KLKB1: variants seen among roughly 807,000 people sequenced by gnomAD.
KLKB1 encodes the protein plasma kallikrein.
In KLKB1, 58 loss-of-function variants were observed where a neutral mutation model predicts 73.6. That is an observed-to-expected ratio of 0.79 (90% confidence interval 0.64 to 0.98). KLKB1 has a LOEUF of 0.98. Ranked by LOEUF, KLKB1 falls within the 50% of genes least tolerant of loss-of-function variation. The pLI, the probability that KLKB1 is intolerant of heterozygous loss-of-function variation, is 0.00. For synonymous variants in KLKB1, 280 were observed against 258.1 expected (o/e 1.08, Z -0.81); for missense variants, 737 against 763.8 (o/e 0.96, Z 0.41).
chr4:186,241,379 G>A (rs766962904), intron 6 of KLKB1, among the ~76,000 whole-genome samples: 1 of 152,130 alleles, frequency 6.6e-6, no homozygotes, highest in Admixed American at 6.5e-5. Context: ...ACCAGAACTC[G>A]ACCCTTGGGT....
upstream of KLKB1, among the ~76,000 whole-genome samples, chr4:186,225,475 AGT>A (rs577914764): frequency 0.028 from 3,939 of 142,692 alleles, 82 homozygotes; most frequent in Non-Finnish European, 0.041. Flanking sequence ...TCCAGGCTGG[AGT>A]GCAGTGTGCA....
upstream of KLKB1, among the ~76,000 whole-genome samples, chr4:186,224,821 G>A (rs1737115952): frequency 6.6e-6 from 1 of 152,144 alleles, no homozygotes; most frequent in African/African-American, 2.4e-5. Flanking sequence ...GAAAGGCCAG[G>A]GGAAGAATGA....
chr4:186,237,138 G>A (rs1385687971), intron 5 of KLKB1, among the ~76,000 whole-genome samples, 198 bp downstream of exon 5: 1 of 151,630 alleles, frequency 6.6e-6, no homozygotes, highest in Admixed American at 6.6e-5. Context: ...GCGCTCTGTC[G>A]CCCAGGCTAG....
chr4:186,235,977 G>A (rs1365982973), intron 4 of KLKB1, among the ~76,000 whole-genome samples: 4 of 152,034 alleles, frequency 2.6e-5, no homozygotes, highest in Non-Finnish European at 2.9e-5. Context: ...AGCCGGGCGT[G>A]GTGGCGCGCG....
rs1328777026 is a variant in KLKB1, at chr4:186,258,420, G to A, written c.*208G>A. 3.2e-5 allele frequency: 20 copies of A among 624,132 alleles called. No individual in the cohort carries two copies. Among genetic ancestry groups the A allele is most frequent in the Middle Eastern group, 4.2e-4 (1 of 2,356 alleles). The allele number at this position is 624,132 out of a possible 1,614,324, so 38.7% of individuals were successfully genotyped here. On this transcript the variant is annotated 3_prime_UTR_variant, in exon 15 of 15. Transcript: ENST00000264690. ...AACCAGGGGCTGACAATGCGAGGTC[G>A]CAACTGAGATCTCCATGACTGTGTG... is the stretch of plus-strand genomic sequence containing the variant.
rs116435142 is a variant in KLKB1 at position 186,256,109 on chromosome 4, T to G, written c.1585+22T>G. On this transcript the variant is annotated intron_variant, in intron 13 of 14. Coordinates refer to ENST00000264690, the MANE Select transcript of KLKB1 (RefSeq NM_000892.5). Reference sequence around the variant, plus strand: ...AAAGGTAAGCATGACGCTTTAAATATTGCTTCTAGAGTAAGTCTCACATGT... The same window carrying G: ...AAAGGTAAGCATGACGCTTTAAATAGTGCTTCTAGAGTAAGTCTCACATGT... 2.1e-4 allele frequency: 302 copies of G among 1,464,102 alleles called. 1 individual carries two copies. In the African/African-American group the frequency reaches 3.9e-3, roughly 19 times the overall value. The allele number at this position is 1,464,102 out of a possible 1,614,324, so 90.7% of individuals were successfully genotyped here. A position where few individuals can be genotyped will look rare whatever the true frequency, so the allele number is the denominator to read the frequency against.
chr4:186,222,860 A>G (rs913095606), upstream of KLKB1, among the ~76,000 whole-genome samples: 10 of 151,970 alleles, frequency 6.6e-5, no homozygotes, highest in African/African-American at 2.4e-4. Context: ...CACAGCTTTT[A>G]TTTGTCTGGT....
chr4:186,233,807 A>G, intron 3 of KLKB1, 145 bp from the exon 4 acceptor site: 3 of 664,816 alleles, frequency 4.5e-6, no homozygotes, highest in East Asian at 2.8e-5. Context: ...AATTAGCTCT[A>G]AGAGTGTTCT....
At chr4:186,256,933 G>A (rs1412869852) in intron 13 of KLKB1, among the ~76,000 whole-genome samples, 6 of 152,034 alleles carry the variant, frequency 3.9e-5, no homozygotes, top group African/African-American at 9.6e-5. Flanking sequence ...CCAACACCAC[G>A]TAGGCAATAA....
In KLKB1 at chr4:186,232,501, T is replaced by C. The variant is rs183915521; in HGVS notation, c.221+212T>C. 1.4e-4 allele frequency among the ~76,000 whole-genome samples: 22 copies of C among 152,338 alleles called. No homozygotes were observed. The South Asian group carries it at 4.6e-3, about 32-fold the overall frequency. On this transcript the variant is annotated intron_variant, in intron 3 of 14. Transcript: ENST00000264690. ...AGTTTCTTGTGACCAGGAATCTGCA[T>C]TTTAAACAATCACTGTGTTTCTTTA... is the stretch of plus-strand genomic sequence containing the variant.
intron 2 of KLKB1, among the ~76,000 whole-genome samples, chr4:186,231,800 T>C (rs1343888947): frequency 1.3e-5 from 2 of 152,250 alleles, no homozygotes; most frequent in East Asian, 3.8e-4. Context: ...ATTATTCTTT[T>C]TAAGGCATGA....
chr4:186,218,830 C>T (rs1265175819), intron 2 of KLKB1, among the ~76,000 whole-genome samples: 1 of 152,130 alleles, frequency 6.6e-6, no homozygotes, highest in East Asian at 1.9e-4. Context: ...TTGACTCACA[C>T]GATCACAAGG....
chr4:186,250,869 G>C (rs1738631797), intron 7 of KLKB1, among the ~76,000 whole-genome samples: 1 of 152,152 alleles, frequency 6.6e-6, no homozygotes, highest in South Asian at 2.1e-4. Context: ...CACACAGCAT[G>C]GAGCTAAGAG....
At position 186,239,237 on chromosome 4, in the gene KLKB1, G is replaced by A. The variant is rs181525234; in HGVS notation, c.598+872G>A. Among the ~76,000 whole-genome samples, 100 of 123,042 alleles carry A rather than the reference G, an allele frequency of 8.1e-4. 1 individual carries two copies. Among genetic ancestry groups the A allele is most frequent in the African/African-American group, 3.7e-3 (96 of 26,058 alleles). The allele number at this position is 123,042 out of a possible 152,430, so 80.7% of individuals were successfully genotyped here. A position where few individuals can be genotyped will look rare whatever the true frequency, so the allele number is the denominator to read the frequency against. On this transcript the variant is annotated intron_variant, in intron 6 of 14. Coordinates refer to ENST00000264690, the MANE Select transcript of KLKB1 (RefSeq NM_000892.5). ...TACAGTGATACTGTTAGAGTTATAG[G>A]TAGAGTGATATAGGACAGTGATACT...
intron 2 of KLKB1, among the ~76,000 whole-genome samples, chr4:186,213,774 C>T (rs1181929784): frequency 2.0e-5 from 3 of 152,106 alleles, no homozygotes; most frequent in East Asian, 1.9e-4. Flanking sequence ...AGATGCTGGT[C>T]GTAAAAATCC....
intron 7 of KLKB1, 125 bp downstream of exon 7, chr4:186,250,527 A>C: frequency 9.3e-7 from 1 of 1,076,780 alleles, no homozygotes; most frequent in Non-Finnish European, 1.4e-6. Context: ...AAAACACTTG[A>C]ACCTGCAGTT....
chr4:186,247,046 A>G (rs966009703), intron 6 of KLKB1, among the ~76,000 whole-genome samples: 1 of 152,184 alleles, frequency 6.6e-6, no homozygotes, highest in South Asian at 2.1e-4. Context: ...GAGGTTGGAT[A>G]AGAGAGTAAA....
chr4:186,242,252 CTTTT>C (rs368967811), intron 6 of KLKB1, among the ~76,000 whole-genome samples: 5 of 152,272 alleles, frequency 3.3e-5, no homozygotes, highest in African/African-American at 1.2e-4. Context: ...ATTTTCACTT[CTTTT>C]GTCTTTCTTC....
chr4:186,219,305 T>C lies in KLKB1; in HGVS notation c.201+10033T>C, dbSNP rs541768830. 3.6e-4 allele frequency among the ~76,000 whole-genome samples: 55 copies of C among 152,266 alleles called. 1 individual carries two copies. The highest frequency in any genetic ancestry group is 6.5e-4 in the Non-Finnish European group (44 of 68,016). On this transcript the variant is annotated intron_variant, in intron 2 of 14. Transcript: ENST00000511608. ...AACCATCACAAGTCCACCCCTTGTCTACTTGAACCCATACGCATCTCCTGA... is the reference window on the plus strand; with the variant it reads ...AACCATCACAAGTCCACCCCTTGTCCACTTGAACCCATACGCATCTCCTGA...
Sources: gnomAD v4.1 joint callset for allele counts (sites outside exome capture counted in the v4.1 genomes callset) on GRCh38, gnomAD v4.1.1 for gene constraint, MANE v1.5 for transcripts, NCBI Gene and HGNC (gene_info 2026-07-23, HGNC 2026-07-21) for gene names.